CFAP74: variants seen among roughly 807,000 people sequenced by gnomAD.
CFAP74 encodes the protein cilia- and flagella-associated protein 74.
Under a neutral mutation model 188.9 loss-of-function variants are expected in CFAP74, and 124 were observed. The ratio of observed to expected loss-of-function variants is 0.66; its 90% CI spans 0.57 to 0.76. CFAP74 has a LOEUF of 0.76. Ranked by LOEUF, CFAP74 falls within the 30% of genes least tolerant of loss-of-function variation. CFAP74 has a pLI of 0.00. For synonymous variants in CFAP74, 956 were observed against 916.7 expected, an observed-to-expected ratio of 1.04 and a Z score of -0.77; for missense variants, 2,198 against 2,165.2, an observed-to-expected ratio of 1.02 and a Z score of -0.30.
intron 28 of CFAP74, 24 bp downstream of exon 28, chr1:1,927,583 T>C (rs1351115636): frequency 3.8e-5 from 58 of 1,543,050 alleles, no homozygotes; most frequent in Non-Finnish European, 4.8e-5. Context: ...GGGAAGCAGG[T>C]GGGGCAGCCC....
Position 1,988,507 on chromosome 1 carries a change from C to A in CFAP74, c.296+5G>T. The A allele has an allele frequency of 1.2e-6, 2 of 1,610,760 alleles. No homozygotes were observed. The highest frequency in any genetic ancestry group is 1.7e-6 in the Non-Finnish European group (2 of 1,179,980). On this transcript the variant is annotated splice_donor_5th_base_variant and intron_variant, in intron 4 of 38. Transcript: ENST00000682832. ...GCAGGTGCAGCGGCCTCAGCCCCAG[C>A]TCACCTCATCTTCTCAGTGAAAAGC... is the stretch of plus-strand genomic sequence containing the variant.
chr1:1,929,569 G>C (rs1265828192), intron 26 of CFAP74, among the ~76,000 whole-genome samples: 2 of 151,690 alleles, frequency 1.3e-5, no homozygotes, highest in African/African-American at 4.9e-5. Flanking sequence ...TGAGCCAACT[G>C]TCCCTTACAT....
chr1:2,003,067 G>A (rs1413432133), intron 1 of CFAP74, among the ~76,000 whole-genome samples: 2 of 152,186 alleles, frequency 1.3e-5, no homozygotes, highest in African/African-American at 4.8e-5. Flanking sequence ...GTGGCATGGG[G>A]GAGAGACTTT....
chr1:1,930,543 A>T (rs996478956), intron 25 of CFAP74, among the ~76,000 whole-genome samples: 3 of 152,222 alleles, frequency 2.0e-5, no homozygotes, highest in African/African-American at 7.2e-5. Context: ...GTGGCTAAAA[A>T]TTTTAAACCG....
At position 1,942,405 on chromosome 1, in the gene CFAP74, C is replaced by T. The variant is rs946574599; in HGVS notation, c.2487-249G>A. On this transcript the variant is annotated intron_variant, in intron 21 of 38. Coordinates refer to ENST00000682832, the MANE Select transcript of CFAP74 (RefSeq NM_001304360.2). The surrounding 1 kb of genome is among the most constrained non-coding windows in gnomAD (Gnocchi z 4.3). ...AAATAACCACATCGAAACGGAAGCACGGTCCTAATGGGCTCTCGGGAACCA... is the reference window on the plus strand; with the variant it reads ...AAATAACCACATCGAAACGGAAGCATGGTCCTAATGGGCTCTCGGGAACCA... 1.1e-4 allele frequency among the ~76,000 whole-genome samples: 17 copies of T among 152,144 alleles called. No individual in the cohort carries two copies. The highest frequency in any genetic ancestry group is 1.0e-4 in the Non-Finnish European group (7 of 68,014).
intron 21 of CFAP74, among the ~76,000 whole-genome samples, chr1:1,943,616 C>A (rs1023942526): frequency 6.6e-6 from 1 of 152,264 alleles, no homozygotes; most frequent in African/African-American, 2.4e-5. Flanking sequence ...ATGTCTGGAG[C>A]CCTTGCCAAA....
chr1:1,974,954 A>G (rs1199933350), intron 6 of CFAP74, among the ~76,000 whole-genome samples: 2 of 152,322 alleles, frequency 1.3e-5, no homozygotes, highest in South Asian at 2.1e-4. Context: ...GGAGGGATGC[A>G]AGGAGCCGCT....
chr1:1,939,713 G>A lies in CFAP74; in HGVS notation c.2758C>T (p.Leu920Phe). ...HAIVTTSDLE[L>F]SPSEVDFGYC... is the part of the protein sequence containing the mutation. The stretch of plus-strand genomic sequence containing the variant: ...CCAAAATCCACCTCCGAGGGACTGA[G>A]CTCCAGGTCCGAGGTGGTGACAATG... The change falls in exon 24 of 39, where the codon CTC (leucine) becomes TTC (phenylalanine). Residue 920 changes from leucine (L) to phenylalanine (F), a missense_variant. Transcript: ENST00000682832. The A allele has an allele frequency of 6.5e-7, 1 of 1,536,098 alleles. No homozygotes were observed. Among genetic ancestry groups the A allele is most frequent in the Non-Finnish European group, 8.7e-7 (1 of 1,146,866 alleles).
intron 14 of CFAP74, 115 bp from the exon 15 acceptor site, chr1:1,960,145 TG>T: frequency 1.2e-6 from 1 of 856,912 alleles, no homozygotes; most frequent in Non-Finnish European, 1.8e-6. Flanking sequence ...ATCCCGGGCC[TG>T]GCCCCCTGCC....
At chr1:1,999,651 T>C (rs563619482) in intron 1 of CFAP74, among the ~76,000 whole-genome samples, 1 of 151,664 alleles carries the variant, frequency 6.6e-6, no homozygotes, top group East Asian at 2.0e-4. Flanking sequence ...ACCCCGTCTC[T>C]ACAAAAAATA....
intron 25 of CFAP74, among the ~76,000 whole-genome samples, chr1:1,935,490 G>A (rs190272321): frequency 1.1e-5 from 1 of 93,352 alleles, no homozygotes; most frequent in African/African-American, 3.9e-5. Context: ...TAGGTTGTAG[G>A]TACACATGTG....
intron 25 of CFAP74, among the ~76,000 whole-genome samples, chr1:1,933,601 G>A (rs901644802): frequency 3.9e-5 from 6 of 152,226 alleles, no homozygotes; most frequent in Non-Finnish European, 8.8e-5. Context: ...TCTTCTTATC[G>A]CTTTGATATT....
At chr1:1,957,914 G>A (rs1029702734) in intron 16 of CFAP74, among the ~76,000 whole-genome samples, 9 of 152,232 alleles carry the variant, frequency 5.9e-5, no homozygotes, top group Non-Finnish European at 8.8e-5. Context: ...GCAAGGAGCT[G>A]CTCGGGTGCC....
chr1:1,986,358 C>G (rs148374313), intron 5 of CFAP74, among the ~76,000 whole-genome samples: 1 of 152,204 alleles, frequency 6.6e-6, no homozygotes, highest in Non-Finnish European at 1.5e-5. Context: ...CCCCCAGGGC[C>G]GGGAGGACCT....
Position 1,927,839 on chromosome 1 carries a change from C to T in CFAP74, c.3388-93G>A, listed in dbSNP as rs1035021818. The T allele has an allele frequency of 4.3e-6, 6 of 1,407,154 alleles. No homozygotes were observed. In the African/African-American group the frequency reaches 4.3e-5, roughly 10 times the overall value. 87.2% of individuals were successfully genotyped at this position (1,407,154 alleles called of 1,614,324 possible). A position where few individuals can be genotyped will look rare whatever the true frequency, so the allele number is the denominator to read the frequency against. ...TCCTCTGCGGCCAGTGCGGGAACCG[C>T]GGGAGCCGCAGTTGGGATTGAATGT... On this transcript the variant is annotated intron_variant, in intron 27 of 38. Coordinates refer to ENST00000682832, the MANE Select transcript of CFAP74 (RefSeq NM_001304360.2).
At chr1:1,984,772 TA>T (rs1210300507) in intron 6 of CFAP74, 1 of 152,658 alleles carries the variant, frequency 6.6e-6, no homozygotes, top group Non-Finnish European at 1.5e-5. Context: ...TGGGCACTCT[TA>T]GGGGTGGGGT....
At chr1:1,991,041 A>G (rs900473196) in intron 1 of CFAP74, 66 bp from the exon 2 acceptor site, 2 of 1,092,128 alleles carry the variant, frequency 1.8e-6, no homozygotes, top group African/African-American at 3.2e-5. Flanking sequence ...TGAATTAACC[A>G]TTTCTCTTAA....
chr1:1,945,507 G>T (rs1653688981), intron 20 of CFAP74, among the ~76,000 whole-genome samples: 1 of 152,082 alleles, frequency 6.6e-6, no homozygotes, highest in South Asian at 2.1e-4. Flanking sequence ...TGCATAGGGG[G>T]TGCAGAGAAA....
chr1:1,961,036 G>A (rs958212227), intron 14 of CFAP74, among the ~76,000 whole-genome samples: 2 of 152,222 alleles, frequency 1.3e-5, no homozygotes, highest in African/African-American at 4.8e-5. Flanking sequence ...AGAAATGAGA[G>A]ACAGGGCAGC....
Sources: allele counts gnomAD v4.1 joint callset (sites outside exome capture counted in the v4.1 genomes callset), GRCh38; gene constraint gnomAD v4.1.1; non-coding constraint Gnocchi (gnomAD v3.1); transcripts MANE v1.5; gene names NCBI Gene and HGNC (gene_info 2026-07-23, HGNC 2026-07-21).